SV2C: variants seen among roughly 807,000 people sequenced by gnomAD.
SV2C encodes the protein synaptic vesicle glycoprotein 2C, also known as solute carrier family 22 member B3.
A neutral mutation model predicts 79.7 loss-of-function variants in SV2C; 49 were observed. The observed-to-expected ratio is 0.61, with a 90% CI of 0.49 to 0.78. SV2C has a LOEUF of 0.78. SV2C is among the 30% of genes least tolerant of loss of function. The pLI is 0.00. For missense variants in SV2C, 833 were observed against 912.9 expected, an observed-to-expected ratio of 0.91 and a Z score of 1.13; for synonymous variants, 334 against 333.2, an observed-to-expected ratio of 1.00 and a Z score of -0.03.
chr5:76,010,740 A>T, the SV2C span, among the ~76,000 whole-genome samples: 61 of 152,256 alleles, frequency 4.0e-4, no homozygotes, highest in South Asian at 0.012. Flanking sequence ...TTCTGAAGGA[A>T]AAAAGGGTCC....
intron 6 of SV2C, among the ~76,000 whole-genome samples, chr5:76,290,089 G>GAA (rs70979390): frequency 3.3e-5 from 5 of 150,876 alleles, no homozygotes; most frequent in African/African-American, 9.7e-5. Flanking sequence ...AAAAAGAAAA[G>GAA]AAAAAAAAAC....
the SV2C span, among the ~76,000 whole-genome samples, chr5:75,979,831 G>A: frequency 1.3e-5 from 2 of 151,728 alleles, no homozygotes; most frequent in African/African-American, 2.4e-5. Context: ...GAGAACCAAG[G>A]GCAGATAAAT....
chr5:76,043,733 C>T, the SV2C span, among the ~76,000 whole-genome samples: 1 of 152,020 alleles, frequency 6.6e-6, no homozygotes, highest in Non-Finnish European at 1.5e-5. Flanking sequence ...AGTGCTTTGT[C>T]CAAGGATTTT....
At chr5:75,984,559 A>ATATCTATCTG in the SV2C span, among the ~76,000 whole-genome samples, 1,045 of 99,528 alleles carry the variant, frequency 0.01, 11 homozygotes, top group East Asian at 0.035. Flanking sequence ...CTATCTATCT[A>ATATCTATCTG]TCTATCTATA....
At chr5:76,302,877 T>C (rs1748058233) in intron 12 of SV2C, among the ~76,000 whole-genome samples, 1 of 152,176 alleles carries the variant, frequency 6.6e-6, no homozygotes, top group Non-Finnish European at 1.5e-5. Flanking sequence ...ATCTGGACTT[T>C]GAAATGTAGG....
chr5:76,030,266 G>GTTTTTTTTTTT, the SV2C span, among the ~76,000 whole-genome samples: 22 of 31,972 alleles, frequency 6.9e-4, 1 homozygote, highest in African/African-American at 1.5e-3. Context: ...TCAGAGGCTT[G>GTTTTTTTTTTT]TTTTTTTTTT....
At chr5:76,025,920 A>T in the SV2C span, among the ~76,000 whole-genome samples, 3 of 152,192 alleles carry the variant, frequency 2.0e-5, no homozygotes, top group Non-Finnish European at 4.4e-5. Flanking sequence ...CATGTTTTTC[A>T]GAAGTTTGTC....
At chr5:76,264,410 C>T (rs1343305156) in intron 4 of SV2C, among the ~76,000 whole-genome samples, 1 of 152,022 alleles carries the variant, frequency 6.6e-6, no homozygotes, top group Non-Finnish European at 1.5e-5. Context: ...TTTGTTATTA[C>T]CCACCTTCTG....
the SV2C span, among the ~76,000 whole-genome samples, chr5:76,035,223 A>G: frequency 6.6e-6 from 1 of 151,048 alleles, no homozygotes; most frequent in African/African-American, 2.4e-5. Flanking sequence ...AATTTTTTGA[A>G]GGGTTTTTTT....
At chr5:76,126,921 C>T (rs1358375201) in intron 1 of SV2C, among the ~76,000 whole-genome samples, 2 of 152,160 alleles carry the variant, frequency 1.3e-5, no homozygotes, top group African/African-American at 2.4e-5. Flanking sequence ...TTAAAAGTAC[C>T]TACCCCATAC....
intron 2 of SV2C, among the ~76,000 whole-genome samples, chr5:76,178,560 G>A (rs1018994891): frequency 6.6e-6 from 1 of 152,034 alleles, no homozygotes. Flanking sequence ...AATAATGATT[G>A]CAATAACATG....
At position 76,138,738 on chromosome 5, in the gene SV2C, A is replaced by C. The variant is rs567064382; in HGVS notation, c.580+6408A>C. 1.7e-4 allele frequency among the ~76,000 whole-genome samples: 26 copies of C among 152,294 alleles called. No individual in the cohort carries two copies. The South Asian group carries it at 5.2e-3, about 30-fold the overall frequency. ...GTGGTACATAATAGGATCTCAACAA[A>C]TATTTGTTGAATGAATGAATGACAG... On this transcript the variant is annotated intron_variant, in intron 2 of 12. Transcript: ENST00000502798.
chr5:75,857,803 A>G, the SV2C span, among the ~76,000 whole-genome samples: 1,916 of 152,096 alleles, frequency 0.013, 34 homozygotes, highest in African/African-American at 0.043. Flanking sequence ...TATAATTTTT[A>G]TTGTAGAAAT....
At chr5:76,350,753 C>A (rs540366207) in intron 12 of SV2C, among the ~76,000 whole-genome samples, 2 of 152,132 alleles carry the variant, frequency 1.3e-5, no homozygotes, top group Admixed American at 1.3e-4. Context: ...TGGTGGCTCA[C>A]GCCTGTAATC....
intron 2 of SV2C, among the ~76,000 whole-genome samples, chr5:76,144,368 G>T (rs529725044): frequency 7.2e-5 from 11 of 152,270 alleles, no homozygotes; most frequent in Admixed American, 2.0e-4. Context: ...AATTGTGCAG[G>T]TTGTGACCTG....
chr5:76,307,259 A>G (rs1266561714), intron 12 of SV2C, among the ~76,000 whole-genome samples: 1 of 152,180 alleles, frequency 6.6e-6, no homozygotes, highest in Non-Finnish European at 1.5e-5. Context: ...GCAACACCTC[A>G]CTCTATAAAA....
At chr5:76,154,073 T>C (rs2112235440) in intron 2 of SV2C, among the ~76,000 whole-genome samples, 1 of 152,276 alleles carries the variant, frequency 6.6e-6, no homozygotes, top group East Asian at 1.9e-4. Flanking sequence ...TCTGTTACCT[T>C]AGTGAGGTGC....
At position 76,132,322 on chromosome 5, in the gene SV2C, G is replaced by T; in HGVS notation, c.572G>T (p.Gly191Val). ...TDLCIPNSGS[G>V]WLGSIVYLGM... ...CTCTGCATCCCAAATTCAGGATCTG[G>T]ATGGCTAGGTGAGTGTGTGGTGTCA... is the stretch of plus-strand genomic sequence containing the variant. Residue 191 changes from glycine to valine, a missense_variant, in exon 2 of 13, where the codon GGA becomes GTA. Transcript: ENST00000502798. 1 of 1,610,500 alleles carries T rather than the reference G, an allele frequency of 6.2e-7. No homozygotes were observed. Among genetic ancestry groups the T allele is most frequent in the South Asian group, 1.1e-5 (1 of 90,728 alleles).
chr5:75,881,845 G>A, the SV2C span, among the ~76,000 whole-genome samples: 2 of 134,902 alleles, frequency 1.5e-5, no homozygotes, highest in African/African-American at 5.9e-5. Flanking sequence ...TTGAATAGGA[G>A]TGGTGAGAGA....
Sources: allele counts gnomAD v4.1 joint callset (sites outside exome capture counted in the v4.1 genomes callset), GRCh38; gene constraint gnomAD v4.1.1; transcripts MANE v1.5; gene names NCBI Gene and HGNC (gene_info 2026-07-23, HGNC 2026-07-21).